The following FOXRED1 variants were observed in gnomAD, a reference collection of about 807,000 sequenced individuals.
The protein encoded by FOXRED1 is FAD-dependent oxidoreductase domain-containing protein 1.
FOXRED1 carries 52 observed loss-of-function variants against 57.8 expected under a neutral mutation model. The observed-to-expected ratio is 0.90, with a 90% CI of 0.72 to 1.13. The LOEUF is 1.13. Among genes scored for constraint, FOXRED1 ranks in the 50% most tolerant of loss-of-function variants. FOXRED1 has a pLI of 0.00. For missense variants in FOXRED1, 589 were observed against 625.2 expected, an observed-to-expected ratio of 0.94 and a Z score of 0.62; for synonymous variants, 271 against 248.3, an observed-to-expected ratio of 1.09 and a Z score of -0.86.
chr11:126,277,413 CCA>C lies in FOXRED1; in HGVS notation c.1207-21_1207-20del. 1 of 1,612,708 alleles carries C rather than the reference CCA, an allele frequency of 6.2e-7. No homozygotes were observed. Among genetic ancestry groups the C allele is most frequent in the Non-Finnish European group, 8.5e-7 (1 of 1,179,804 alleles). On this transcript the variant is annotated intron_variant, in intron 10 of 10. Transcript: ENST00000263578. This position sits in a 1 kb window ranked among gnomAD's most constrained non-coding sequence, Gnocchi z 6.8. ...TGTGGCTACAGCCTTCCCGAGAACC[CCA>C]GTGTTTTGTGCACCCGCAGGTTCAG...
chr11:126,269,578 A>T (rs1231721944), intron 1 of FOXRED1, among the ~76,000 whole-genome samples: 1 of 152,198 alleles, frequency 6.6e-6, no homozygotes, highest in East Asian at 1.9e-4. Context: ...CGTGTTCAGG[A>T]TGCTGTACTT....
chr11:126,272,984 A>G lies in FOXRED1; in HGVS notation c.322A>G (p.Thr108Ala), dbSNP rs1951030941. Residue 108 changes from threonine to alanine, a missense_variant, in exon 3 of 11, where the codon ACT (threonine) becomes GCT (alanine). Physicochemically the swap from Thr to Ala is moderately conservative, Grantham distance 58 (BLOSUM62 0). Transcript: ENST00000263578. The surrounding 1 kb of genome is among the most constrained non-coding windows in gnomAD (Gnocchi z 4.6). ...CTTTCCACAGTATTCACAGGCCTCC[A>G]CTGGGCTCTCAGTAGGTGGGATTTG... ...ERDHTYSQAS[T>A]GLSVGGICQQ... The G allele has an allele frequency of 2.8e-5, 44 of 1,583,074 alleles. No homozygotes were observed. Among genetic ancestry groups the G allele is most frequent in the Non-Finnish European group, 3.8e-5 (44 of 1,151,526 alleles).
In FOXRED1 at chr11:126,272,734, T is replaced by G. The variant is rs1215287901; in HGVS notation, c.307-235T>G. ...TTGGACTTCCAGGCCATTACCATTT[T>G]GTACCACTGTGTCAGCTCTTTCCAG... On this transcript the variant is annotated intron_variant, in intron 2 of 10. Transcript: ENST00000263578. This position sits in a 1 kb window ranked among gnomAD's most constrained non-coding sequence, Gnocchi z 4.6. The G allele has an allele frequency of 3.3e-6, 2 of 597,276 alleles. No homozygotes were observed. Among genetic ancestry groups the G allele is most frequent in the African/African-American group, 1.9e-5 (1 of 53,986 alleles). 37.0% of individuals were successfully genotyped at this position (597,276 alleles called of 1,614,324 possible).
In FOXRED1 at chr11:126,275,549, A is replaced by G; in HGVS notation, c.733+121A>G. ...AGGGGTCTCCCTGAGAGCAGGTCCT[A>G]GGCATCTTGACCTGGGCTCCTCACT... On this transcript the variant is annotated intron_variant, in intron 6 of 10. Transcript: ENST00000263578. This position sits in a 1 kb window ranked among gnomAD's most constrained non-coding sequence, Gnocchi z 5.9. 1.3e-6 allele frequency: 1 copy of G among 790,716 alleles called. No individual in the cohort carries two copies. The highest frequency in any genetic ancestry group is 2.6e-5 in the East Asian group (1 of 38,120). The allele number at this position is 790,716 out of a possible 1,614,324, so 49.0% of individuals were successfully genotyped here. A position where few individuals can be genotyped will look rare whatever the true frequency, so the allele number is the denominator to read the frequency against.
intron 9 of FOXRED1, 170 bp from the exon 10 acceptor site, chr11:126,276,901 C>A: frequency 1.6e-6 from 1 of 623,638 alleles, no homozygotes; most frequent in Non-Finnish European, 2.9e-6. Context: ...GAAAAAGAAT[C>A]AGCCTTTTTT....
At position 126,274,801 on chromosome 11, in the gene FOXRED1, G is replaced by A. The variant is rs1217505980; in HGVS notation, c.537-126G>A. 1.3e-6 allele frequency: 1 copy of A among 756,194 alleles called. No homozygotes were observed. 46.8% of individuals were successfully genotyped at this position (756,194 alleles called of 1,614,324 possible). A position where few individuals can be genotyped will look rare whatever the true frequency, so the allele number is the denominator to read the frequency against. On this transcript the variant is annotated intron_variant, in intron 4 of 10. Coordinates refer to ENST00000263578, the MANE Select transcript of FOXRED1 (RefSeq NM_017547.4). The surrounding 1 kb of genome is among the most constrained non-coding windows in gnomAD (Gnocchi z 4.8). ...CGCTCAGCAATGAGGAAAAATAGGG[G>A]CATTTGGGGCAGAGAAGTGACATGA...
Position 126,272,787 on chromosome 11 carries a change from CCACTACT to C in FOXRED1, c.307-181_307-175del. ...GACTGACCCTCTCTGCTCTGCACAT[CCACTACT>C]AATGATTTTAAACACCATTGCCTTC... is the stretch of plus-strand genomic sequence containing the variant. On this transcript the variant is annotated intron_variant, in intron 2 of 10. Transcript: ENST00000263578. This position sits in a 1 kb window ranked among gnomAD's most constrained non-coding sequence, Gnocchi z 4.6. 1.5e-6 allele frequency: 1 copy of C among 663,066 alleles called. No homozygotes were observed. Among genetic ancestry groups the C allele is most frequent in the East Asian group, 2.7e-5 (1 of 36,848 alleles). The allele number at this position is 663,066 out of a possible 1,614,324, so 41.1% of individuals were successfully genotyped here. A position where few individuals can be genotyped will look rare whatever the true frequency, so the allele number is the denominator to read the frequency against.
Position 126,273,305 on chromosome 11 carries a change from G to A in FOXRED1, c.418-31G>A. Reference sequence around the variant, plus strand: ...AACTCTTTCTGGCATCCTTAAGTCAGTTTCTTTCAGGAGCTTCTGTCTGCA... The same window carrying A: ...AACTCTTTCTGGCATCCTTAAGTCAATTTCTTTCAGGAGCTTCTGTCTGCA... On this transcript the variant is annotated intron_variant, in intron 3 of 10. Transcript: ENST00000263578. This position sits in a 1 kb window ranked among gnomAD's most constrained non-coding sequence, Gnocchi z 5.9. 1 of 1,526,064 alleles carries A rather than the reference G, an allele frequency of 6.6e-7. No individual in the cohort carries two copies. The highest frequency in any genetic ancestry group is 1.1e-5 in the South Asian group (1 of 89,422). 94.5% of individuals were successfully genotyped at this position (1,526,064 alleles called of 1,614,324 possible). A position where few individuals can be genotyped will look rare whatever the true frequency, so the allele number is the denominator to read the frequency against.
At position 126,276,164 on chromosome 11, in the gene FOXRED1, GA is replaced by G; in HGVS notation, c.917del (p.Glu306GlyfsTer32). On this transcript the variant is annotated frameshift_variant, in exon 8 of 11. Coordinates refer to ENST00000263578, the MANE Select transcript of FOXRED1 (RefSeq NM_017547.4). LOFTEE classifies it high-confidence loss of function. ...AATCGCAGCACTGGCTGGTGTTGGA[GA>G]GGGGCCGCCTGGCACCCTGCAGGGC... ...AQIAALAGVG[E>X]GPPGTLQGTK... 6.2e-7 allele frequency: 1 copy of G among 1,611,018 alleles called. No homozygotes were observed. The highest frequency in any genetic ancestry group is 8.5e-7 in the Non-Finnish European group (1 of 1,179,348).
rs921881572 is a variant in FOXRED1 at position 126,275,162 on chromosome 11, G to A, written c.631+141G>A. The A allele has an allele frequency of 3.6e-5, 29 of 807,926 alleles. No individual in the cohort carries two copies. The East Asian group carries it at 3.9e-4, about 11-fold the overall frequency. The allele number at this position is 807,926 out of a possible 1,614,324, so 50.0% of individuals were successfully genotyped here. A position where few individuals can be genotyped will look rare whatever the true frequency, so the allele number is the denominator to read the frequency against. ...TGTGTCACGGGAACTGCCCTGGGCC[G>A]TGGTAGTTCTCTGTCCTTCATCAGG... On this transcript the variant is annotated intron_variant, in intron 5 of 10. Transcript: ENST00000263578. The surrounding 1 kb of genome is among the most constrained non-coding windows in gnomAD (Gnocchi z 5.9).
Position 126,275,236 on chromosome 11 carries a change from A to G in FOXRED1, c.632-91A>G. On this transcript the variant is annotated intron_variant, in intron 5 of 10. Coordinates refer to ENST00000263578, the MANE Select transcript of FOXRED1 (RefSeq NM_017547.4). This position sits in a 1 kb window ranked among gnomAD's most constrained non-coding sequence, Gnocchi z 5.9. ...TTAAGATGACCTTCCCCGGCTTACA[A>G]GCCCTAGAGAGGGGTTGGGGGGCAC... The G allele has an allele frequency of 9.8e-7, 1 of 1,020,154 alleles. No homozygotes were observed. 63.2% of individuals were successfully genotyped at this position (1,020,154 alleles called of 1,614,324 possible). A position where few individuals can be genotyped will look rare whatever the true frequency, so the allele number is the denominator to read the frequency against.
Position 126,277,250 on chromosome 11 carries a change from C to A in FOXRED1, c.1206+75C>A. 8.3e-7 allele frequency: 1 copy of A among 1,206,976 alleles called. No homozygotes were observed. Among genetic ancestry groups the A allele is most frequent in the Non-Finnish European group, 1.2e-6 (1 of 811,726 alleles). The allele number at this position is 1,206,976 out of a possible 1,614,324, so 74.8% of individuals were successfully genotyped here. A position where few individuals can be genotyped will look rare whatever the true frequency, so the allele number is the denominator to read the frequency against. On this transcript the variant is annotated intron_variant, in intron 10 of 10. Transcript: ENST00000263578. This position sits in a 1 kb window ranked among gnomAD's most constrained non-coding sequence, Gnocchi z 6.8. Reference sequence around the variant, plus strand: ...ACAGATGACAGTGGAGCACATTGGTCCCCTCGGACCCGTGACTGCCGTAGT... The same window carrying A: ...ACAGATGACAGTGGAGCACATTGGTACCCTCGGACCCGTGACTGCCGTAGT...
Position 126,272,619 on chromosome 11 carries a change from G to C in FOXRED1, c.307-350G>C, listed in dbSNP as rs540909484. 2.7e-6 allele frequency: 1 copy of C among 372,652 alleles called. No individual in the cohort carries two copies. Among genetic ancestry groups the C allele is most frequent in the African/African-American group, 2.1e-5 (1 of 48,002 alleles). 23.1% of individuals were successfully genotyped at this position (372,652 alleles called of 1,614,324 possible). ...TTTTACACTTTAGGTGTTCCTGTTT[G>C]CATTGCCAGCTAGCCACGAGTCTTG... On this transcript the variant is annotated intron_variant, in intron 2 of 10. Coordinates refer to ENST00000263578, the MANE Select transcript of FOXRED1 (RefSeq NM_017547.4). This position sits in a 1 kb window ranked among gnomAD's most constrained non-coding sequence, Gnocchi z 4.6.
At chr11:126,276,562 T>C (rs760616780) in intron 9 of FOXRED1, 39 bp downstream of exon 9, 29 of 1,591,304 alleles carry the variant, frequency 1.8e-5, no homozygotes, top group Middle Eastern at 1.7e-4. Context: ...CAAGGAGACA[T>C]AGAATAATTG....
Position 126,277,005 on chromosome 11 carries a change from TAAAC to T in FOXRED1, c.1102-63_1102-60del. ...CATCCCCTACCTGCACAGGGATTGT[TAAAC>T]AAGTCTGGGCCTGTCCTTGTGTCCC... is the stretch of plus-strand genomic sequence containing the variant. On this transcript the variant is annotated intron_variant, in intron 9 of 10. Transcript: ENST00000263578. This position sits in a 1 kb window ranked among gnomAD's most constrained non-coding sequence, Gnocchi z 6.8. The T allele has an allele frequency of 9.9e-7, 1 of 1,007,516 alleles. No homozygotes were observed. The highest frequency in any genetic ancestry group is 1.3e-5 in the South Asian group (1 of 78,906). The allele number at this position is 1,007,516 out of a possible 1,614,324, so 62.4% of individuals were successfully genotyped here.
rs766891622 is a variant in FOXRED1 at position 126,276,107 on chromosome 11, G to A, written c.859G>A (p.Val287Met). Residue 287 changes from valine (V) to methionine (M), a missense_variant, in exon 8 of 11, where the codon GTG becomes ATG. By Grantham distance (21) the Val-to-Met change is conservative (BLOSUM62 1). Transcript: ENST00000263578. Reference protein sequence around the residue: ...LEYQPVECAIVINAAGAWSAQ... With the variant: ...LEYQPVECAIMINAAGAWSAQ... ...GTACCAGCCTGTGGAATGCGCCATT[G>A]TGATCAACGCAGCCGGAGCCTGGTC... 1.9e-6 allele frequency: 3 copies of A among 1,612,836 alleles called. No homozygotes were observed. Among genetic ancestry groups the A allele is most frequent in the South Asian group, 1.1e-5 (1 of 91,052 alleles).
chr11:126,275,244 A>G lies in FOXRED1; in HGVS notation c.632-83A>G, dbSNP rs1951096843. 9.3e-7 allele frequency: 1 copy of G among 1,070,578 alleles called. No individual in the cohort carries two copies. Among genetic ancestry groups the G allele is most frequent in the Non-Finnish European group, 1.5e-6 (1 of 686,954 alleles). 66.3% of individuals were successfully genotyped at this position (1,070,578 alleles called of 1,614,324 possible). ...ACCTTCCCCGGCTTACAAGCCCTAG[A>G]GAGGGGTTGGGGGGCACAGGAAATA... On this transcript the variant is annotated intron_variant, in intron 5 of 10. Coordinates refer to ENST00000263578, the MANE Select transcript of FOXRED1 (RefSeq NM_017547.4). This position sits in a 1 kb window ranked among gnomAD's most constrained non-coding sequence, Gnocchi z 5.9.
rs773852344 is a variant in FOXRED1, at chr11:126,276,531, G to A, written c.1101+8G>A. 3.7e-6 allele frequency: 6 copies of A among 1,603,162 alleles called. No individual in the cohort carries two copies. The highest frequency in any genetic ancestry group is 3.4e-6 in the Non-Finnish European group (4 of 1,173,844). The stretch of plus-strand genomic sequence containing the variant: ...GGTCGTAGCCCCACTGAGGTAAGCT[G>A]AGTGGGGTGGGACATGCTGGCAAGG... On this transcript the variant is annotated splice_region_variant and intron_variant, in intron 9 of 10. Transcript: ENST00000263578.
chr11:126,277,288 C>T lies in FOXRED1; in HGVS notation c.1206+113C>T. On this transcript the variant is annotated intron_variant, in intron 10 of 10. Coordinates refer to ENST00000263578, the MANE Select transcript of FOXRED1 (RefSeq NM_017547.4). This position sits in a 1 kb window ranked among gnomAD's most constrained non-coding sequence, Gnocchi z 6.8. ...TGACTGCCGTAGTCCCTCCATGTCA[C>T]AACTGCTAAGGAATTTCTTGGACAC... 1 of 1,233,096 alleles carries T rather than the reference C, an allele frequency of 8.1e-7. No individual in the cohort carries two copies. The highest frequency in any genetic ancestry group is 1.2e-6 in the Non-Finnish European group (1 of 835,506). 76.4% of individuals were successfully genotyped at this position (1,233,096 alleles called of 1,614,324 possible). A position where few individuals can be genotyped will look rare whatever the true frequency, so the allele number is the denominator to read the frequency against.
Sources: allele counts gnomAD v4.1 joint callset (sites outside exome capture counted in the v4.1 genomes callset), GRCh38; gene constraint gnomAD v4.1.1; non-coding constraint Gnocchi (gnomAD v3.1); transcripts MANE v1.5; gene names NCBI Gene and HGNC (gene_info 2026-07-23, HGNC 2026-07-21).